The following CDH4 variants were observed in gnomAD, a reference collection of about 807,000 sequenced individuals.
CDH4 encodes the protein cadherin-4.
CDH4 carries 33 observed loss-of-function variants against 86.0 expected under a neutral mutation model. The ratio of observed to expected loss-of-function variants is 0.38; its 90% CI spans 0.29 to 0.51. The LOEUF (loss-of-function observed/expected upper bound fraction) is 0.51. CDH4 is among the 20% of genes least tolerant of loss of function. The probability of loss-of-function intolerance (pLI) is 0.86; values close to 1 mark genes in which losing one functional copy is unlikely to be tolerated. For synonymous variants in CDH4, 555 were observed against 549.4 expected, an observed-to-expected ratio of 1.01 and a Z score of -0.14; for missense variants, 1,114 against 1,307.4, an observed-to-expected ratio of 0.85 and a Z score of 2.28.
intron 15 of CDH4, among the ~76,000 whole-genome samples, chr20:61,936,243 C>A (rs1183223152): frequency 6.7e-6 from 1 of 149,550 alleles, no homozygotes; most frequent in Non-Finnish European, 1.5e-5. Flanking sequence ...CATGGCCCAG[C>A]CCTCACCTCC....
intron 8 of CDH4, among the ~76,000 whole-genome samples, chr20:61,898,291 T>G (rs1985227008): frequency 6.6e-6 from 1 of 152,232 alleles, no homozygotes; most frequent in Non-Finnish European, 1.5e-5. Context: ...ATTTGCATGA[T>G]CCGATTCTGA....
intron 2 of CDH4, among the ~76,000 whole-genome samples, chr20:61,563,442 G>C (rs1403356272): frequency 6.6e-6 from 1 of 152,186 alleles, no homozygotes; most frequent in Non-Finnish European, 1.5e-5. Context: ...CCAGGTGCTT[G>C]GTGTCAGCCT....
Position 61,754,680 on chromosome 20 carries a change from G to T in CDH4, c.396+10891G>T, listed in dbSNP as rs914486819. Among the ~76,000 whole-genome samples, 5 of 134,954 alleles carry T rather than the reference G, an allele frequency of 3.7e-5. No homozygotes were observed. The highest frequency in any genetic ancestry group is 1.4e-4 in the African/African-American group (5 of 35,016). The allele number at this position is 134,954 out of a possible 152,430, so 88.5% of individuals were successfully genotyped here. On this transcript the variant is annotated intron_variant, in intron 3 of 15. Coordinates refer to ENST00000614565, the MANE Select transcript of CDH4 (RefSeq NM_001794.5). This position sits in a 1 kb window ranked among gnomAD's most constrained non-coding sequence, Gnocchi z 4.7. ...CGCACACACGCCCCGCACACACTAT[G>T]CACACCACACACACAGTGCATGCCA... is the stretch of plus-strand genomic sequence containing the variant.
intron 2 of CDH4, among the ~76,000 whole-genome samples, chr20:61,322,963 A>C (rs1267874597): frequency 6.6e-6 from 1 of 152,150 alleles, no homozygotes; most frequent in African/African-American, 2.4e-5. Flanking sequence ...AGATAGGAAC[A>C]CTGAGCTCTA....
chr20:61,853,134 G>C (rs571271786), intron 6 of CDH4, among the ~76,000 whole-genome samples: 6 of 152,328 alleles, frequency 3.9e-5, no homozygotes, highest in East Asian at 1.9e-4. Flanking sequence ...CAGGGCCAAC[G>C]GGCTGGGAAG....
At chr20:61,741,104 G>A (rs987844254) in intron 2 of CDH4, among the ~76,000 whole-genome samples, 1 of 152,202 alleles carries the variant, frequency 6.6e-6, no homozygotes, top group East Asian at 1.9e-4. Flanking sequence ...AGCTACTTGG[G>A]AGGCTGAGGC....
intron 2 of CDH4, among the ~76,000 whole-genome samples, chr20:61,307,620 A>G (rs1568791201): frequency 6.6e-6 from 1 of 152,256 alleles, no homozygotes; most frequent in African/African-American, 2.4e-5. Context: ...CCAGGCAGGA[A>G]TCTGTAGCTA....
intron 15 of CDH4, 38 bp from the exon 16 acceptor site, chr20:61,936,699 C>A: frequency 6.9e-7 from 1 of 1,451,030 alleles, no homozygotes; most frequent in East Asian, 2.7e-5. Context: ...GCTGAGACAA[C>A]GCGTCCTGCA....
chr20:61,578,857 A>G (rs968022614), intron 2 of CDH4, among the ~76,000 whole-genome samples: 2 of 151,286 alleles, frequency 1.3e-5, no homozygotes, highest in Non-Finnish European at 2.9e-5. Context: ...ACAAGTCTAG[A>G]TCCTCCGGTC....
rs1418005770 is a variant in CDH4, at chr20:61,811,352, G to A, written c.577-33316G>A. ...GGTGGGAATGAAATGCCCCTTCCCG[G>A]CTTACACAGACACAGCCCAGGAGAA... On this transcript the variant is annotated intron_variant, in intron 4 of 15. Coordinates refer to ENST00000614565, the MANE Select transcript of CDH4 (RefSeq NM_001794.5). This position sits in a 1 kb window ranked among gnomAD's most constrained non-coding sequence, Gnocchi z 4.4. 6.6e-6 allele frequency among the ~76,000 whole-genome samples: 1 copy of A among 152,150 alleles called. No individual in the cohort carries two copies. The highest frequency in any genetic ancestry group is 2.4e-5 in the African/African-American group (1 of 41,426).
chr20:61,577,199 AG>A (rs2086388598), intron 2 of CDH4, among the ~76,000 whole-genome samples: 1 of 150,866 alleles, frequency 6.6e-6, no homozygotes, highest in Non-Finnish European at 1.5e-5. Flanking sequence ...CTGAAGGTTG[AG>A]TATATGTTTG....
rs142535203 is a variant in CDH4, at chr20:61,789,502, G to A, written c.576+16320G>A. Among the ~76,000 whole-genome samples, 631 of 152,232 alleles carry A rather than the reference G, an allele frequency of 4.1e-3. 2 individuals carry two copies. Among genetic ancestry groups the A allele is most frequent in the African/African-American group, 0.014 (596 of 41,544 alleles). On this transcript the variant is annotated intron_variant, in intron 4 of 15. Transcript: ENST00000614565. ...CAGTCACACCCTGCCTGCCTGAAGC[G>A]GCCTCTCCCTGGAGGACAAAACCAG...
At chr20:61,922,128 A>C (rs1776230) in intron 9 of CDH4, among the ~76,000 whole-genome samples, 1 of 152,258 alleles carries the variant, frequency 6.6e-6, no homozygotes, top group Non-Finnish European at 1.5e-5. Flanking sequence ...TGTTTGGGTC[A>C]TTTCCAGCAT....
At chr20:61,859,272 G>T (rs148992127) in intron 6 of CDH4, among the ~76,000 whole-genome samples, 2 of 152,050 alleles carry the variant, frequency 1.3e-5, no homozygotes, top group East Asian at 3.9e-4. Context: ...TTGAGTTTTC[G>T]GAATTCTTTA....
At chr20:61,712,423 C>A (rs1254450321) in intron 2 of CDH4, among the ~76,000 whole-genome samples, 2 of 152,118 alleles carry the variant, frequency 1.3e-5, no homozygotes, top group Non-Finnish European at 2.9e-5. Flanking sequence ...CAGTGTTGAT[C>A]CAGAGAGGAC....
rs900565237 is a variant in CDH4, at chr20:61,350,719, C to T, written c.169+95782C>T. ...CACCCAGCATCAGGCAGAGGCCCCC[C>T]CCCAGTGCTAACTGCGCCCTCAAGT... On this transcript the variant is annotated intron_variant, in intron 2 of 15. Transcript: ENST00000614565. 4.6e-5 allele frequency among the ~76,000 whole-genome samples: 7 copies of T among 152,334 alleles called. No individual in the cohort carries two copies. The South Asian group carries it at 1.5e-3, about 32-fold the overall frequency.
At chr20:61,803,685 G>A (rs529051410) in intron 4 of CDH4, among the ~76,000 whole-genome samples, 5 of 152,348 alleles carry the variant, frequency 3.3e-5, no homozygotes, top group South Asian at 2.1e-4. Flanking sequence ...AGAGCTCTGC[G>A]TTCCCCAAGG....
intron 2 of CDH4, among the ~76,000 whole-genome samples, chr20:61,265,148 A>T (rs4812287): frequency 0.97 from 140,661 of 144,552 alleles, 68,440 homozygotes; most frequent in East Asian, 0.99. Flanking sequence ...CCTACACATA[A>T]CTCAGTGGTT....
At chr20:61,605,755 G>A (rs1025042590) in intron 2 of CDH4, among the ~76,000 whole-genome samples, 5 of 152,150 alleles carry the variant, frequency 3.3e-5, no homozygotes, top group East Asian at 1.9e-4. Context: ...GCAGATTGCC[G>A]TGAGAAGCTG....
Sources: gnomAD v4.1 joint callset for allele counts (sites outside exome capture counted in the v4.1 genomes callset) on GRCh38, gnomAD v4.1.1 for gene constraint, Gnocchi (gnomAD v3.1) non-coding constraint, MANE v1.5 for transcripts, NCBI Gene and HGNC (gene_info 2026-07-23, HGNC 2026-07-21) for gene names.